DAB1: variants seen among roughly 807,000 people sequenced by gnomAD.
DAB1 encodes DAB adaptor protein 1, also known as disabled homolog 1.
In DAB1, 15 loss-of-function variants were observed where a neutral mutation model predicts 64.6. The observed-to-expected ratio is 0.23, with a 90% confidence interval of 0.16 to 0.36. The LOEUF is 0.36. Ranked by LOEUF, DAB1 falls within the 10% of genes least tolerant of loss-of-function variation. The pLI is 1.00. For missense variants in DAB1, 596 were observed against 706.7 expected, an observed-to-expected ratio of 0.84 and a Z score of 1.78; for synonymous variants, 235 against 251.9, an observed-to-expected ratio of 0.93 and a Z score of 0.64.
intron 4 of DAB1, among the ~76,000 whole-genome samples, chr1:57,074,541 C>T (rs527531034): frequency 2.0e-5 from 3 of 152,266 alleles, no homozygotes; most frequent in Admixed American, 6.5e-5. Context: ...ATCCCTTGGC[C>T]GGATGCAATC....
At chr1:58,321,614 G>A (rs557360948) in intron 4 of DAB1, among the ~76,000 whole-genome samples, 43 of 152,366 alleles carry the variant, frequency 2.8e-4, no homozygotes, top group Admixed American at 2.4e-3. Context: ...ATTATATCCC[G>A]TGCCTGGCTT....
chr1:58,517,592 T>C (rs1210112701), intron 2 of DAB1, among the ~76,000 whole-genome samples: 1 of 152,212 alleles, frequency 6.6e-6, no homozygotes, highest in Non-Finnish European at 1.5e-5. Context: ...GTTTCCTGTA[T>C]CTCCAATTCA....
At chr1:58,520,641 G>C (rs1298758501) in intron 2 of DAB1, among the ~76,000 whole-genome samples, 1 of 152,076 alleles carries the variant, frequency 6.6e-6, no homozygotes, top group African/African-American at 2.4e-5. Context: ...TACCATGCAA[G>C]CACTAACTGA....
intron 7 of DAB1, among the ~76,000 whole-genome samples, chr1:57,566,655 C>T (rs1275982321): frequency 2.6e-5 from 4 of 152,152 alleles, no homozygotes; most frequent in African/African-American, 9.7e-5. Context: ...CACCTAAACA[C>T]AAATAAACTA....
intron 11 of DAB1, among the ~76,000 whole-genome samples, chr1:57,017,574 C>A (rs963923286): frequency 6.6e-6 from 1 of 152,200 alleles, no homozygotes; most frequent in Non-Finnish European, 1.5e-5. Flanking sequence ...TCATGCCGTG[C>A]TTCCCTAACA....
chr1:57,961,829 G>T (rs1645529673), intron 5 of DAB1, among the ~76,000 whole-genome samples: 1 of 152,020 alleles, frequency 6.6e-6, no homozygotes, highest in Non-Finnish European at 1.5e-5. Context: ...AAAAAAATTA[G>T]CCGGGCATGG....
intron 5 of DAB1, among the ~76,000 whole-genome samples, chr1:57,891,016 G>A (rs554476829): frequency 2.2e-4 from 34 of 152,274 alleles, no homozygotes; most frequent in Middle Eastern, 3.4e-3. Context: ...TGATAAATGG[G>A]ATCTAATTAA....
intron 1 of DAB1, among the ~76,000 whole-genome samples, chr1:57,344,529 C>T (rs1677925665): frequency 6.6e-6 from 1 of 152,014 alleles, no homozygotes. Context: ...TTAGTTCAAA[C>T]GGTGCTAGCT....
rs937337075 is a variant in DAB1 at position 58,121,826 on chromosome 1, C to T, written n.387+28685G>A. Among the ~76,000 whole-genome samples the T allele has an allele frequency of 4.6e-5, 7 of 152,176 alleles. No homozygotes were observed. The East Asian group carries it at 7.7e-4, about 17-fold the overall frequency. ...ATATATATATTTCAAAATAAGTAAACGATTTGGAATTTTCCTCTAATAATA... is the reference window on the plus strand; with the variant it reads ...ATATATATATTTCAAAATAAGTAAATGATTTGGAATTTTCCTCTAATAATA... On this transcript the variant is annotated intron_variant and non_coding_transcript_variant, in intron 5 of 20. Coordinates refer to the DAB1 transcript ENST00000485760.
chr1:57,089,508 C>T (rs912829697), intron 4 of DAB1, among the ~76,000 whole-genome samples: 3 of 151,330 alleles, frequency 2.0e-5, no homozygotes, highest in African/African-American at 7.3e-5. Context: ...TTACTCATGG[C>T]GGAAGGTGAA....
chr1:57,215,808 G>C (rs1488750763), intron 2 of DAB1, among the ~76,000 whole-genome samples: 1 of 152,084 alleles, frequency 6.6e-6, no homozygotes, highest in African/African-American at 2.4e-5. Context: ...TGGTGCTATG[G>C]AATGTCCATG....
intron 5 of DAB1, among the ~76,000 whole-genome samples, chr1:58,030,138 C>G (rs1044601423): frequency 6.6e-6 from 1 of 151,996 alleles, no homozygotes; most frequent in African/African-American, 2.4e-5. Context: ...ACCTGGGAGG[C>G]AGAGGTTGCA....
intron 2 of DAB1, among the ~76,000 whole-genome samples, chr1:57,174,168 C>T (rs565412186): frequency 6.6e-6 from 1 of 152,284 alleles, no homozygotes; most frequent in African/African-American, 2.4e-5. Context: ...CCCACAATTC[C>T]TATCAGTATT....
intron 5 of DAB1, chr1:58,048,960 A>T: frequency 1.2e-6 from 1 of 845,848 alleles, no homozygotes; most frequent in Non-Finnish European, 2.0e-6. Flanking sequence ...TCTTCTTTAA[A>T]ACCACCAACA....
chr1:57,731,966 T>A (rs1158373729), intron 6 of DAB1, among the ~76,000 whole-genome samples: 2 of 152,174 alleles, frequency 1.3e-5, no homozygotes, highest in African/African-American at 4.8e-5. Context: ...ACCAACTGCA[T>A]TTCAGAGCCT....
chr1:58,360,895 C>T (rs1223747012), intron 3 of DAB1, among the ~76,000 whole-genome samples: 2 of 152,090 alleles, frequency 1.3e-5, no homozygotes, highest in African/African-American at 4.8e-5. Flanking sequence ...TTATTTCTTA[C>T]AAAATTAGAA....
chr1:57,902,063 G>A (rs1644482044), intron 5 of DAB1, among the ~76,000 whole-genome samples: 1 of 151,812 alleles, frequency 6.6e-6, no homozygotes, highest in Non-Finnish European at 1.5e-5. Context: ...AGGCTGGGGT[G>A]GGAGGATCAC....
At chr1:57,765,910 C>A (rs1346415794) in intron 6 of DAB1, among the ~76,000 whole-genome samples, 2 of 152,096 alleles carry the variant, frequency 1.3e-5, no homozygotes, top group Non-Finnish European at 1.5e-5. Context: ...GGATTACAGG[C>A]GTGAGCCACT....
At chr1:57,991,492 A>G (rs1292705679) in intron 5 of DAB1, among the ~76,000 whole-genome samples, 1 of 152,122 alleles carries the variant, frequency 6.6e-6, no homozygotes, top group Admixed American at 6.5e-5. Flanking sequence ...CCATTGTATG[A>G]GCAGTACTGT....
Sources: gnomAD v4.1 joint callset for allele counts (sites outside exome capture counted in the v4.1 genomes callset) on GRCh38, gnomAD v4.1.1 for gene constraint, MANE v1.5 for transcripts, NCBI Gene and HGNC (gene_info 2026-07-23, HGNC 2026-07-21) for gene names.